Variants in MIDEAS observed in about 807,000 individuals in gnomAD.
MIDEAS encodes mitotic deacetylase-associated SANT domain protein.
Under a neutral mutation model 102.7 loss-of-function variants are expected in MIDEAS, and 26 were observed. The ratio of observed to expected loss-of-function variants is 0.25; its 90% confidence interval spans 0.19 to 0.35. The LOEUF (loss-of-function observed/expected upper bound fraction) is 0.35, where lower values mean the gene tolerates loss of function less well. Ranked by LOEUF, MIDEAS falls within the 10% of genes least tolerant of loss-of-function variation. MIDEAS has a pLI of 1.00. For missense variants in MIDEAS, 1,231 were observed against 1,435.6 expected, an observed-to-expected ratio of 0.86 and a Z score of 2.30; for synonymous variants, 585 against 591.0, an observed-to-expected ratio of 0.99 and a Z score of 0.15.
chr14:73,760,137 GAAA>G lies in MIDEAS; in HGVS notation c.-625_-623del, dbSNP rs10708298. ...GACTCATCGGTTGAGCTCACAGCTT[GAAA>G]AAAAAAAAAAGAGAGAGGGCGAGAG... is the stretch of plus-strand genomic sequence containing the variant. On this transcript the variant is annotated 5_prime_UTR_variant, in exon 1 of 13. Coordinates refer to ENST00000423556, the MANE Select transcript of MIDEAS (RefSeq NM_001367710.1). This position sits in a 1 kb window ranked among gnomAD's most constrained non-coding sequence, Gnocchi z 4.8. 6 of 143,924 alleles carry G rather than the reference GAAA, an allele frequency of 4.2e-5. No individual in the cohort carries two copies. Among genetic ancestry groups the G allele is most frequent in the East Asian group, 2.1e-4 (1 of 4,860 alleles). The allele number at this position is 143,924 out of a possible 1,614,324, so 8.9% of individuals were successfully genotyped here.
At chr14:73,750,706 A>G (rs1199243524) in intron 1 of MIDEAS, among the ~76,000 whole-genome samples, 6 of 152,262 alleles carry the variant, frequency 3.9e-5, no homozygotes, top group Admixed American at 2.6e-4. Context: ...AGGGATGTCA[A>G]TGTTTACCTA....
Position 73,742,907 on chromosome 14 carries a change from G to A in MIDEAS, c.-247-2652C>T, listed in dbSNP as rs1247932602. 6.6e-6 allele frequency among the ~76,000 whole-genome samples: 1 copy of A among 152,144 alleles called. No individual in the cohort carries two copies. The highest frequency in any genetic ancestry group is 1.5e-5 in the Non-Finnish European group (1 of 68,006). ...TAGGAGTAATGATGATGGTGATGGT[G>A]CACCCGTGCCAGGCAGATCCTACGT... On this transcript the variant is annotated intron_variant, in intron 1 of 12. Transcript: ENST00000423556. This position sits in a 1 kb window ranked among gnomAD's most constrained non-coding sequence, Gnocchi z 4.4.
At chr14:73,752,601 A>T (rs930444848) in intron 1 of MIDEAS, among the ~76,000 whole-genome samples, 2 of 152,048 alleles carry the variant, frequency 1.3e-5, no homozygotes, top group Admixed American at 6.6e-5. Flanking sequence ...GAGGGAGGGG[A>T]GTCTCAGTGT....
At position 73,745,086 on chromosome 14, in the gene MIDEAS, G is replaced by A. The variant is rs963815936; in HGVS notation, c.-247-4831C>T. 2.6e-5 allele frequency among the ~76,000 whole-genome samples: 4 copies of A among 152,278 alleles called. 1 individual carries two copies. The South Asian group carries it at 8.3e-4, about 32-fold the overall frequency. On this transcript the variant is annotated intron_variant, in intron 1 of 12. Transcript: ENST00000423556. The stretch of plus-strand genomic sequence containing the variant: ...GTCAGAGCCACACCTGGGCAGAGGC[G>A]ACACAGCCCGCATTCCTGCCCTGGG...
At chr14:73,731,383 C>A (rs1463871716) in intron 3 of MIDEAS, among the ~76,000 whole-genome samples, 47 of 152,192 alleles carry the variant, frequency 3.1e-4, no homozygotes, top group Admixed American at 3.1e-3. Context: ...CCATGTCCTT[C>A]ACCCATCTGT....
intron 1 of MIDEAS, among the ~76,000 whole-genome samples, chr14:73,770,704 G>A (rs765802284): frequency 6.6e-6 from 1 of 152,132 alleles, no homozygotes; most frequent in Non-Finnish European, 1.5e-5. Flanking sequence ...CCTTATTTCA[G>A]CAACTTCTGA....
At chr14:73,761,399 G>T (rs2053553360), upstream of MIDEAS, among the ~76,000 whole-genome samples, 1 of 152,178 alleles carries the variant, frequency 6.6e-6, no homozygotes, top group Admixed American at 6.5e-5. Flanking sequence ...TTCTAAGGGG[G>T]CATGGCTTTC....
rs752952951 is a variant in MIDEAS, at chr14:73,739,072, G to T, written c.937C>A (p.Pro313Thr). The T allele has an allele frequency of 5.1e-5, 80 of 1,576,408 alleles. 3 individuals are homozygous for T. In the Middle Eastern group the frequency reaches 8.5e-4, roughly 17 times the overall value. Residue 313 changes from proline to threonine, a missense_variant, in exon 2 of 13, where the codon CCC becomes ACC. Pro to Thr is a conservative substitution (Grantham distance 38, BLOSUM62 -1). Coordinates refer to ENST00000423556, the MANE Select transcript of MIDEAS (RefSeq NM_001367710.1). ...HHSMAPYPFP[P>T]NPDMNPELRK... ...AGTTCTGGGTTCATATCTGGGTTGG[G>T]GGGGAAGGGGTAGGGTGCCATGCTG...
intron 1 of MIDEAS, among the ~76,000 whole-genome samples, chr14:73,754,366 A>C (rs1398586017): frequency 6.6e-6 from 1 of 152,020 alleles, no homozygotes; most frequent in African/African-American, 2.4e-5. Context: ...CACAGGACTC[A>C]CTCACGCACA....
chr14:73,775,828 C>G (rs1361212477), intron 1 of MIDEAS, among the ~76,000 whole-genome samples: 1 of 151,976 alleles, frequency 6.6e-6, no homozygotes, highest in Non-Finnish European at 1.5e-5. Context: ...TCTGACACCT[C>G]TTGTTTTTTC....
chr14:73,724,937 A>G, intron 9 of MIDEAS: 1 of 241,940 alleles, frequency 4.1e-6, no homozygotes, highest in Admixed American at 4.9e-5. Flanking sequence ...CTCCCCCTGC[A>G]TCTTCCTCTG....
chr14:73,727,756 C>T (rs1595256900), intron 4 of MIDEAS: 1 of 520,868 alleles, frequency 1.9e-6, no homozygotes, highest in East Asian at 3.5e-5. Flanking sequence ...GCTATCACTA[C>T]CTGTCTCCTA....
chr14:73,736,616 G>A (rs2140118430), intron 3 of MIDEAS, among the ~76,000 whole-genome samples: 1 of 130,592 alleles, frequency 7.7e-6, no homozygotes, highest in South Asian at 2.6e-4. Context: ...GGGTGACAGA[G>A]CAAGACTCTG....
At chr14:73,730,019 C>A (rs568125826) in intron 3 of MIDEAS, 34 bp from the exon 4 acceptor site, 24,473 of 1,597,824 alleles carry the variant, frequency 0.015, 233 homozygotes, top group East Asian at 0.042. Context: ...ACGGCTCAGC[C>A]CCCCGTGTCC....
chr14:73,719,228 T>TCCCCCCCC lies in MIDEAS; in HGVS notation c.3134+76_3134+77insGGGGGGGG. The stretch of plus-strand genomic sequence containing the variant: ...GGACACCGCCTGTACCTCTTCCCCC[T>TCCCCCCCC]CCCCTCCACCCCACCCCCGCCCCCT... On this transcript the variant is annotated intron_variant, in intron 12 of 12. Coordinates refer to ENST00000423556, the MANE Select transcript of MIDEAS (RefSeq NM_001367710.1). The TCCCCCCCC allele has an allele frequency of 1.1e-5, 7 of 645,574 alleles. No individual in the cohort carries two copies. In the Admixed American group the frequency reaches 1.6e-4, roughly 15 times the overall value. The allele number at this position is 645,574 out of a possible 1,614,324, so 40.0% of individuals were successfully genotyped here.
rs148473020 is a variant in MIDEAS at position 73,733,783 on chromosome 14, C to A, written c.1749+3215G>T. Among the ~76,000 whole-genome samples, 57 of 152,232 alleles carry A rather than the reference C, an allele frequency of 3.7e-4. 2 individuals are homozygous for A. In the East Asian group the frequency reaches 0.011, roughly 30 times the overall value. Reference sequence around the variant, plus strand: ...GATCTTGGCTTACTACAACCTCCACCTCCCAGGTTCAAGCGATTCTCTTGC... The same window carrying A: ...GATCTTGGCTTACTACAACCTCCACATCCCAGGTTCAAGCGATTCTCTTGC... On this transcript the variant is annotated intron_variant, in intron 3 of 12. Coordinates refer to ENST00000423556, the MANE Select transcript of MIDEAS (RefSeq NM_001367710.1).
At position 73,737,244 on chromosome 14, in the gene MIDEAS, C is replaced by T; in HGVS notation, c.1503G>A (p.Lys501=). ...KRKSVLASTT[K]CGVEFSEPSL... ...AAGGCTCAGAAAACTCCACCCCACA[C>T]TTGGTAGTTGAGGCCAATACACTTT... Residue 501 remains lysine, a synonymous_variant, in exon 3 of 13, where the codon AAG becomes AAA. Coordinates refer to ENST00000423556, the MANE Select transcript of MIDEAS (RefSeq NM_001367710.1). The T allele has an allele frequency of 6.2e-7, 1 of 1,614,136 alleles. No individual in the cohort carries two copies. Among genetic ancestry groups the T allele is most frequent in the Non-Finnish European group, 8.5e-7 (1 of 1,179,978 alleles).
rs2052918453 is a variant in MIDEAS, at chr14:73,717,983, C to G, written c.*860G>C. The G allele has an allele frequency of 6.6e-6, 1 of 152,244 alleles. No homozygotes were observed. Among genetic ancestry groups the G allele is most frequent in the Non-Finnish European group, 1.5e-5 (1 of 68,100 alleles). The allele number at this position is 152,244 out of a possible 1,614,324, so 9.4% of individuals were successfully genotyped here. On this transcript the variant is annotated 3_prime_UTR_variant, in exon 13 of 13. Coordinates refer to ENST00000423556, the MANE Select transcript of MIDEAS (RefSeq NM_001367710.1). ...TCTCCGGGACCTGCTCAAGGCGAAG[C>G]GCCCTTGGCAGCCTCCAGGACCCAA...
intron 1 of MIDEAS, among the ~76,000 whole-genome samples, chr14:73,757,350 T>C (rs1447514077): frequency 6.9e-6 from 1 of 145,390 alleles, no homozygotes; most frequent in Non-Finnish European, 1.5e-5. Context: ...AAGCAGAGGC[T>C]ACCAAATACT....
Sources: allele counts gnomAD v4.1 joint callset (sites outside exome capture counted in the v4.1 genomes callset), GRCh38; gene constraint gnomAD v4.1.1; non-coding constraint Gnocchi (gnomAD v3.1); transcripts MANE v1.5; gene names NCBI Gene and HGNC (gene_info 2026-07-23, HGNC 2026-07-21).